Variants in CNKSR3 observed in about 807,000 individuals in gnomAD.
CNKSR3 encodes connector enhancer of kinase suppressor of ras 3.
CNKSR3 carries 36 observed loss-of-function variants against 67.7 expected under a neutral mutation model. That is an observed-to-expected ratio of 0.53 (90% CI 0.41 to 0.70). The LOEUF is 0.70. Among genes scored for constraint, CNKSR3 ranks in the 30% least tolerant of loss-of-function variants. The pLI is 0.00. For synonymous variants in CNKSR3, 281 were observed against 271.4 expected (o/e 1.04, Z -0.35); for missense variants, 630 against 695.2 (o/e 0.91, Z 1.05).
intron 1 of CNKSR3, among the ~76,000 whole-genome samples, chr6:154,467,450 A>C (rs1786227529): frequency 6.6e-6 from 1 of 152,144 alleles, no homozygotes; most frequent in Non-Finnish European, 1.5e-5. Flanking sequence ...CTCACTATAC[A>C]CACTGTCAAC....
At chr6:154,466,911 T>C (rs143775052) in intron 1 of CNKSR3, among the ~76,000 whole-genome samples, 462 of 151,820 alleles carry the variant, frequency 3.0e-3, no homozygotes, top group African/African-American at 0.01. Flanking sequence ...AGGAGTGAGC[T>C]CAGCCCACCT....
intron 1 of CNKSR3, among the ~76,000 whole-genome samples, chr6:154,486,330 C>G (rs1157624564): frequency 6.7e-6 from 1 of 149,366 alleles, no homozygotes; most frequent in Admixed American, 6.7e-5. Context: ...GAGTCTCACT[C>G]TGTCTCCCAG....
Position 154,446,604 on chromosome 6 carries a change from C to T in CNKSR3, c.216+3491G>A, listed in dbSNP as rs114632173. Among the ~76,000 whole-genome samples the T allele has an allele frequency of 2.1e-3, 315 of 152,246 alleles. 3 individuals are homozygous for T. Among genetic ancestry groups the T allele is most frequent in the African/African-American group, 7.2e-3 (298 of 41,552 alleles). On this transcript the variant is annotated intron_variant, in intron 2 of 12. Transcript: ENST00000607772. ...AGAGGTATACCAGTGCGCATAAGCA[C>T]TCTAGGCCCATAGATTCATGACAGG... is the stretch of plus-strand genomic sequence containing the variant.
At chr6:154,472,080 G>T (rs931648222) in intron 1 of CNKSR3, among the ~76,000 whole-genome samples, 2 of 152,154 alleles carry the variant, frequency 1.3e-5, no homozygotes, top group Non-Finnish European at 2.9e-5. Context: ...AAGAGCACCT[G>T]CCCTGGGCAG....
rs563361976 is a variant in CNKSR3, at chr6:154,431,681, C to G, written c.550-1090G>C. The stretch of plus-strand genomic sequence containing the variant: ...CCACCACCCCATCCCTCACCATGAA[C>G]CCCTGGCAAACATAGATCTTTTTAC... On this transcript the variant is annotated intron_variant, in intron 5 of 12. Transcript: ENST00000607772. 3.3e-5 allele frequency among the ~76,000 whole-genome samples: 5 copies of G among 152,018 alleles called. No homozygotes were observed. In the South Asian group the frequency reaches 1.0e-3, roughly 32 times the overall value.
At chr6:154,506,175 C>T (rs1312003898) in intron 1 of CNKSR3, among the ~76,000 whole-genome samples, 2 of 151,928 alleles carry the variant, frequency 1.3e-5, no homozygotes, top group Non-Finnish European at 2.9e-5. Context: ...ATCTATTCTC[C>T]CCTTTTTCCT....
intron 9 of CNKSR3, 110 bp from the exon 10 acceptor site, chr6:154,414,533 G>A (rs1784979006): frequency 3.5e-6 from 4 of 1,127,066 alleles, no homozygotes; most frequent in Non-Finnish European, 5.3e-6. Context: ...TCTGAACAGG[G>A]ACTGAGGTCA....
At position 154,410,368 on chromosome 6, in the gene CNKSR3, G is replaced by A; in HGVS notation, c.1344C>T (p.Ala448=). 1 of 1,614,016 alleles carries A rather than the reference G, an allele frequency of 6.2e-7. No individual in the cohort carries two copies. Among genetic ancestry groups the A allele is most frequent in the Admixed American group, 1.7e-5 (1 of 60,016 alleles). The stretch of plus-strand genomic sequence containing the variant: ...CTTTCCTGCCATGACCTCGAGGTCT[G>A]GCAAAAGGGTCCACAATCCCCATCC... The part of the protein sequence containing the change: ...GNWMGIVDPF[A]RPRGHGRKGE... The change falls in exon 12 of 13, where the codon GCC becomes GCT. Residue 448 remains alanine (A), a synonymous_variant. Coordinates refer to ENST00000607772, the MANE Select transcript of CNKSR3 (RefSeq NM_173515.4).
intron 7 of CNKSR3, among the ~76,000 whole-genome samples, chr6:154,424,757 T>C (rs1180286561): frequency 6.9e-6 from 1 of 144,188 alleles, no homozygotes; most frequent in Admixed American, 6.7e-5. Flanking sequence ...TTCTGTTTTG[T>C]TTTTTTGTTG....
At position 154,433,528 on chromosome 6, in the gene CNKSR3, A is replaced by G. The variant is rs768594665; in HGVS notation, c.508-21T>C. ...CAATCCTAAAGAAGGGGATGGAGAA[A>G]ATGAATACTAAGTACAAGAGTTAAA... On this transcript the variant is annotated intron_variant, in intron 4 of 12. Transcript: ENST00000607772. The G allele has an allele frequency of 3.2e-6, 5 of 1,561,112 alleles. No homozygotes were observed. In the South Asian group the frequency reaches 5.7e-5, roughly 18 times the overall value.
rs1218732315 is a variant in CNKSR3, at chr6:154,393,268, T to C, written c.*13086A>G. The stretch of plus-strand genomic sequence containing the variant: ...ATCTAGGAATGAAACTGCTGAGTCA[T>C]AGGGTATGTGAATACTCACTGCTAA... On this transcript the variant is annotated 3_prime_UTR_variant, in exon 13 of 13. Coordinates refer to ENST00000607772, the MANE Select transcript of CNKSR3 (RefSeq NM_173515.4). 1 of 152,156 alleles carries C rather than the reference T, an allele frequency of 6.6e-6. No individual in the cohort carries two copies. 9.4% of individuals were successfully genotyped at this position (152,156 alleles called of 1,614,324 possible).
chr6:154,463,868 G>A (rs1376336049), intron 1 of CNKSR3, among the ~76,000 whole-genome samples: 2 of 152,056 alleles, frequency 1.3e-5, no homozygotes, highest in Non-Finnish European at 2.9e-5. Flanking sequence ...CTGGCCCTGC[G>A]TTGCTATGAT....
At chr6:154,423,452 T>A (rs951256191) in intron 7 of CNKSR3, among the ~76,000 whole-genome samples, 1 of 152,032 alleles carries the variant, frequency 6.6e-6, no homozygotes, top group Non-Finnish European at 1.5e-5. Context: ...GAGATGAGGT[T>A]TTACCATGTT....
intron 1 of CNKSR3, among the ~76,000 whole-genome samples, chr6:154,506,951 T>C (rs1019268415): frequency 6.6e-6 from 1 of 152,218 alleles, no homozygotes; most frequent in African/African-American, 2.4e-5. Context: ...GGTCTAGATG[T>C]GGCCTTGGGA....
rs199590275 is a variant in CNKSR3, at chr6:154,442,116, C to T, written c.391G>A (p.Ala131Thr). 100 of 1,610,250 alleles carry T rather than the reference C, an allele frequency of 6.2e-5. No individual in the cohort carries two copies. The highest frequency in any genetic ancestry group is 8.1e-5 in the Non-Finnish European group (95 of 1,176,982). Residue 131 changes from alanine to threonine, a missense_variant, in exon 3 of 13, where the codon GCC (alanine) becomes ACC (threonine). Physicochemically the swap from Ala to Thr is moderately conservative, Grantham distance 58. Around this residue, in one of 3 missense-constraint regions of CNKSR3, gnomAD observed 189 missense variants for 205.0 expected, o/e 0.92. Coordinates refer to ENST00000607772, the MANE Select transcript of CNKSR3 (RefSeq NM_173515.4). ...TCCAGCCACGCCAGCAGGGCCTTGG[C>T]GGCGCCGATGAGCTCCACCACCGAG... ...LTSVVELIGA[A>T]KALLAWLDRA... is the part of the protein sequence containing the mutation.
rs1292598069 is a variant in CNKSR3, at chr6:154,510,325, G to C, written c.-211C>G. 4 of 565,038 alleles carry C rather than the reference G, an allele frequency of 7.1e-6. No homozygotes were observed. Among genetic ancestry groups the C allele is most frequent in the East Asian group, 6.6e-5 (2 of 30,290 alleles). 35.0% of individuals were successfully genotyped at this position (565,038 alleles called of 1,614,324 possible). A position where few individuals can be genotyped will look rare whatever the true frequency, so the allele number is the denominator to read the frequency against. On this transcript the variant is annotated 5_prime_UTR_variant, in exon 1 of 13. Coordinates refer to ENST00000607772, the MANE Select transcript of CNKSR3 (RefSeq NM_173515.4). ...CTCTCCCTCCAGCTGCCACAGTCCA[G>C]CTGCAGCTCCTCCTTCCCCCGCCGC...
intron 1 of CNKSR3, among the ~76,000 whole-genome samples, chr6:154,497,866 C>G (rs917864253): frequency 1.3e-5 from 2 of 152,156 alleles, no homozygotes; most frequent in Non-Finnish European, 2.9e-5. Flanking sequence ...TGGAAAGAAC[C>G]TTGAGTCAAC....
intron 2 of CNKSR3, 129 bp downstream of exon 2, chr6:154,449,966 C>G: frequency 5.3e-6 from 5 of 942,882 alleles, no homozygotes; most frequent in Non-Finnish European, 7.8e-6. Flanking sequence ...ATAGTATCTT[C>G]AGCTCATGTT....
intron 4 of CNKSR3, among the ~76,000 whole-genome samples, chr6:154,435,034 G>A (rs968307504): frequency 1.5e-5 from 2 of 130,520 alleles, no homozygotes; most frequent in East Asian, 2.2e-4. Flanking sequence ...TCACTCTCTC[G>A]CCCAAGTAGG....
Sources: gnomAD v4.1 joint callset for allele counts (sites outside exome capture counted in the v4.1 genomes callset) on GRCh38, gnomAD v4.1.1 for gene constraint, gnomAD v4.1.1 regional missense constraint, MANE v1.5 for transcripts, NCBI Gene and HGNC (gene_info 2026-07-23, HGNC 2026-07-21) for gene names.